The following EIF5A variants were observed in gnomAD, a reference collection of about 807,000 sequenced individuals.
EIF5A encodes eukaryotic translation initiation factor 5A-1.
In EIF5A, 1 loss-of-function variant was observed where a neutral mutation model predicts 16.6. That is an observed-to-expected ratio of 0.06 (90% CI 0.02 to 0.28). The LOEUF (loss-of-function observed/expected upper bound fraction) is 0.28, where lower values mean the gene tolerates loss of function less well. Ranked by LOEUF, EIF5A falls within the 10% of genes least tolerant of loss-of-function variation. The pLI is 1.00. For synonymous variants in EIF5A, 80 were observed against 73.6 expected, an observed-to-expected ratio of 1.09 and a Z score of -0.44; for missense variants, 29 against 196.1, an observed-to-expected ratio of 0.15 and a Z score of 5.09.
upstream of EIF5A, chr17:7,307,296 C>T (rs1206560140): frequency 1.0e-5 from 12 of 1,199,366 alleles, no homozygotes; most frequent in Non-Finnish European, 2.2e-6. Context: ...CAGGCGTTTC[C>T]TTTAGAGGGT....
chr17:7,307,874 A>G (rs1397008344), intron 1 of EIF5A, 122 bp downstream of exon 1: 1 of 982,556 alleles, frequency 1.0e-6, no homozygotes, highest in Non-Finnish European at 1.2e-6. Context: ...GGGTTCGGCC[A>G]GAGAGCGGCG....
At chr17:7,307,983 C>T in intron 1 of EIF5A, 2 of 984,464 alleles carry the variant, frequency 2.0e-6, no homozygotes, top group Non-Finnish European at 2.4e-6. Context: ...CGGGGGACGG[C>T]GAGCCGCGAG....
In EIF5A at chr17:7,307,651, CGGCGGCGGCGGTAGA is replaced by C. The variant is rs970696993; in HGVS notation, c.-111_-97del. 5.7e-6 allele frequency: 6 copies of C among 1,046,090 alleles called. No individual in the cohort carries two copies. Among genetic ancestry groups the C allele is most frequent in the Admixed American group, 1.2e-4 (2 of 16,950 alleles). 64.8% of individuals were successfully genotyped at this position (1,046,090 alleles called of 1,614,324 possible). ...GCGTACTAAGACCCGTGTGCAGCAG[CGGCGGCGGCGGTAGA>C]GGCGGCGGCGGCGGCGGCAGCGGGC... On this transcript the variant is annotated 5_prime_UTR_variant, in exon 1 of 6. Coordinates refer to ENST00000336458, the MANE Select transcript of EIF5A (RefSeq NM_001970.5).
intron 2 of EIF5A, 179 bp downstream of exon 2, chr17:7,309,979 A>G (rs1319122332): frequency 1.3e-6 from 2 of 1,535,606 alleles, no homozygotes; most frequent in East Asian, 2.5e-5. Context: ...CCCAGTCTTC[A>G]GCCTCTTCTG....
upstream of EIF5A, chr17:7,307,462 G>T: frequency 9.4e-7 from 1 of 1,067,994 alleles, no homozygotes. Flanking sequence ...TGTGAGGGGC[G>T]GGGTCACGTA....
intron 3 of EIF5A, 53 bp from the exon 4 acceptor site, chr17:7,311,297 T>C (rs935889438): frequency 1.2e-5 from 20 of 1,613,348 alleles, no homozygotes; most frequent in Admixed American, 1.7e-5. Flanking sequence ...TTTACTGTCA[T>C]GTCAGCCTCC....
At chr17:7,311,712 GTA>G in intron 5 of EIF5A, 61 bp downstream of exon 5, 1 of 1,602,126 alleles carries the variant, frequency 6.2e-7, no homozygotes, top group Non-Finnish European at 8.5e-7. Flanking sequence ...CAGAGCTGCT[GTA>G]GTCTTAATTG....
chr17:7,309,821 TC>T lies in EIF5A; in HGVS notation c.165+22del, dbSNP rs762987226. The T allele has an allele frequency of 1.9e-6, 3 of 1,614,120 alleles. No homozygotes were observed. The Admixed American group carries it at 5.0e-5, about 27-fold the overall frequency. The stretch of plus-strand genomic sequence containing the variant: ...CCAAGGTTAGAATTTCACCTCCGCA[TC>T]TTGCCTTCCCCATGCCTCCAGTATC... On this transcript the variant is annotated intron_variant, in intron 2 of 5. Transcript: ENST00000336458.
In EIF5A at chr17:7,307,684, C is replaced by T; in HGVS notation, c.-90C>T. On this transcript the variant is annotated 5_prime_UTR_variant, in exon 1 of 6. Coordinates refer to ENST00000336458, the MANE Select transcript of EIF5A (RefSeq NM_001970.5). ...GCGGTAGAGGCGGCGGCGGCGGCGG[C>T]AGCGGGCTCGGAGGCAGCGGTTGGG... 5 of 1,049,646 alleles carry T rather than the reference C, an allele frequency of 4.8e-6. No homozygotes were observed. Among genetic ancestry groups the T allele is most frequent in the African/African-American group, 1.7e-5 (1 of 57,906 alleles). The allele number at this position is 1,049,646 out of a possible 1,614,324, so 65.0% of individuals were successfully genotyped here.
intron 5 of EIF5A, 34 bp from the exon 6 acceptor site, chr17:7,311,788 T>A: frequency 8.6e-7 from 1 of 1,167,154 alleles, no homozygotes; most frequent in Non-Finnish European, 1.2e-6. Context: ...TTGAAGGTAT[T>A]ATCCTGTCTT....
chr17:7,310,448 T>G (rs2072786065), intron 2 of EIF5A: 1 of 1,176,142 alleles, frequency 8.5e-7, no homozygotes, highest in Admixed American at 4.3e-5. Context: ...TTGTTGAATT[T>G]CTTGTGGTGT....
chr17:7,310,443 G>GA, intron 2 of EIF5A: 1 of 1,175,114 alleles, frequency 8.5e-7, no homozygotes, highest in Non-Finnish European at 1.1e-6. Flanking sequence ...CGTTCTTGTT[G>GA]AATTTCTTGT....
At chr17:7,308,497 A>G (rs1227821120) in intron 1 of EIF5A, 4 of 1,350,844 alleles carry the variant, frequency 3.0e-6, no homozygotes, top group Non-Finnish European at 3.9e-6. Context: ...CTGCAGGCAT[A>G]TGTTAGCGCT....
intron 1 of EIF5A, 130 bp downstream of exon 1, chr17:7,307,882 G>T: frequency 1.0e-6 from 1 of 985,588 alleles, no homozygotes; most frequent in Non-Finnish European, 1.2e-6. Flanking sequence ...CCAGAGAGCG[G>T]CGCGAGGTGA....
chr17:7,310,657 C>T, intron 2 of EIF5A: 1 of 985,368 alleles, frequency 1.0e-6, no homozygotes, highest in Non-Finnish European at 1.2e-6. Flanking sequence ...TTCCTTATTC[C>T]CCAGTTTCTC....
At position 7,311,606 on chromosome 17, in the gene EIF5A, A is replaced by C; in HGVS notation, c.431A>C (p.Glu144Ala). ...ACGGTGCTGTCTGCCATGACAGAGGAGGCAGCTGTTGCAATCAAGGCCATG... is the reference window on the plus strand; with the variant it reads ...ACGGTGCTGTCTGCCATGACAGAGGCGGCAGCTGTTGCAATCAAGGCCATG... ...LITVLSAMTE[E>A]AAVAIKAMAK The change falls in exon 5 of 6, where the codon GAG (glutamate) becomes GCG (alanine). Residue 144 changes from glutamate to alanine, a missense_variant. Glu to Ala is a moderately radical substitution (Grantham distance 107). Coordinates refer to ENST00000336458, the MANE Select transcript of EIF5A (RefSeq NM_001970.5). 6.2e-7 allele frequency: 1 copy of C among 1,614,136 alleles called. No individual in the cohort carries two copies.
intron 2 of EIF5A, 35 bp from the exon 3 acceptor site, chr17:7,310,983 T>C (rs2072808995): frequency 1.9e-6 from 3 of 1,590,798 alleles, no homozygotes; most frequent in African/African-American, 1.3e-5. Flanking sequence ...GTTTTAGAGT[T>C]TGGTTGGGTT....
chr17:7,309,591 C>T (rs1597617836), intron 1 of EIF5A, 24 bp from the exon 2 acceptor site: 6 of 1,613,698 alleles, frequency 3.7e-6, no homozygotes, highest in African/African-American at 1.3e-5. Context: ...TGCTTATTCA[C>T]TTCAGTTCTC....
At chr17:7,310,193 CG>C in intron 2 of EIF5A, 1 of 1,292,296 alleles carries the variant, frequency 7.7e-7, no homozygotes, top group Admixed American at 2.3e-5. Context: ...TCCAATTCTA[CG>C]CCTTCCCCTG....
Sources: allele counts gnomAD v4.1 joint callset, GRCh38; gene constraint gnomAD v4.1.1; transcripts MANE v1.5; gene names NCBI Gene and HGNC (gene_info 2026-07-23, HGNC 2026-07-21).